UBE3B: variants seen among roughly 807,000 people sequenced by gnomAD.
UBE3B encodes ubiquitin protein ligase E3B, also known as ubiquitin-protein ligase E3B.
UBE3B carries 80 observed loss-of-function variants against 132.3 expected under a neutral mutation model. The observed-to-expected ratio is 0.60, with a 90% CI of 0.50 to 0.73. The LOEUF (loss-of-function observed/expected upper bound fraction) is 0.73, where lower values mean the gene tolerates loss of function less well. UBE3B is among the 30% of genes least tolerant of loss of function. The pLI is 0.00. For missense variants in UBE3B, 1,196 were observed against 1,362.5 expected, an observed-to-expected ratio of 0.88 and a Z score of 1.92; for synonymous variants, 487 against 520.4, an observed-to-expected ratio of 0.94 and a Z score of 0.87.
chr12:109,509,929 A>G (rs1467995328), intron 16 of UBE3B, among the ~76,000 whole-genome samples: 1 of 152,202 alleles, frequency 6.6e-6, no homozygotes, highest in Non-Finnish European at 1.5e-5. Flanking sequence ...GGCTCCCTTC[A>G]GGATTTGCAT....
At chr12:109,487,384 A>C (rs1366118472) in intron 6 of UBE3B, among the ~76,000 whole-genome samples, 1 of 152,232 alleles carries the variant, frequency 6.6e-6, no homozygotes, top group Non-Finnish European at 1.5e-5. Flanking sequence ...TGGCAAGGAC[A>C]CAGATAGCAG....
At chr12:109,495,790 G>A (rs1433050195) in intron 9 of UBE3B, among the ~76,000 whole-genome samples, 1 of 152,252 alleles carries the variant, frequency 6.6e-6, no homozygotes, top group Non-Finnish European at 1.5e-5. Context: ...GATTGCTCAT[G>A]CTATTGTTTG....
intron 9 of UBE3B, among the ~76,000 whole-genome samples, chr12:109,493,587 A>G (rs879080329): frequency 6.6e-6 from 1 of 152,322 alleles, no homozygotes; most frequent in Middle Eastern, 3.4e-3. Flanking sequence ...CTTTTTCCCA[A>G]ATAGAACTTT....
At chr12:109,538,169 C>T (rs776938874), downstream of UBE3B, among the ~76,000 whole-genome samples, 2 of 152,208 alleles carry the variant, frequency 1.3e-5, no homozygotes, top group South Asian at 2.1e-4. The surrounding 1 kb of genome is among the most constrained non-coding windows in gnomAD (Gnocchi z 4.1). Context: ...GTTTGAGAAG[C>T]GCTGGCCTCC....
chr12:109,527,382 C>T (rs1377986979), intron 24 of UBE3B, among the ~76,000 whole-genome samples: 1 of 152,210 alleles, frequency 6.6e-6, no homozygotes, highest in African/African-American at 2.4e-5. Flanking sequence ...TTATCAATCT[C>T]CCGCCGCCAG....
chr12:109,490,059 T>C, intron 8 of UBE3B, 55 bp downstream of exon 8: 1 of 1,547,738 alleles, frequency 6.5e-7, no homozygotes, highest in Non-Finnish European at 8.9e-7. Flanking sequence ...ACACCTGCAC[T>C]TGGATTTTTA....
At chr12:109,506,180 A>G (rs1879646185) in intron 14 of UBE3B, among the ~76,000 whole-genome samples, 1 of 152,130 alleles carries the variant, frequency 6.6e-6, no homozygotes, top group Non-Finnish European at 1.5e-5. Flanking sequence ...CTTTTAACAT[A>G]ATAGAATAAT....
At chr12:109,489,613 G>T (rs530533238) in intron 7 of UBE3B, among the ~76,000 whole-genome samples, 1 of 152,306 alleles carries the variant, frequency 6.6e-6, no homozygotes, top group East Asian at 1.9e-4. Context: ...GCAGTGCTAG[G>T]CCCTAGGAGG....
At chr12:109,519,149 T>A (rs1244558867) in intron 19 of UBE3B, among the ~76,000 whole-genome samples, 1 of 152,146 alleles carries the variant, frequency 6.6e-6, no homozygotes, top group Non-Finnish European at 1.5e-5. Flanking sequence ...CCCAGTCCTT[T>A]CCCCTGTCTC....
intron 18 of UBE3B, 127 bp from the exon 19 acceptor site, chr12:109,516,638 A>C: frequency 7.7e-6 from 11 of 1,431,850 alleles, no homozygotes; most frequent in Non-Finnish European, 1.0e-5. Flanking sequence ...AACTGGTAGC[A>C]CATGTTAAGG....
Position 109,483,989 on chromosome 12 carries a change from G to A in UBE3B, c.282+8G>A, listed in dbSNP as rs748760399. ...ATCAAAGAGGATAATGAGGTAAAAC[G>A]ATAATAGCAAACATGTATAATACTT... On this transcript the variant is annotated splice_region_variant and intron_variant, in intron 4 of 27. Coordinates refer to ENST00000342494, the MANE Select transcript of UBE3B (RefSeq NM_130466.4). 6 of 1,607,048 alleles carry A rather than the reference G, an allele frequency of 3.7e-6. No homozygotes were observed. In the South Asian group the frequency reaches 5.6e-5, roughly 15 times the overall value.
In UBE3B at chr12:109,536,292, G is replaced by A. The variant is rs915749390; in HGVS notation, c.*1510G>A. On this transcript the variant is annotated 3_prime_UTR_variant, in exon 28 of 28. Transcript: ENST00000342494. ...TGTGGACTTGCCACTTTCTCCAAAC[G>A]CTCGGTTCCTTTGAAGATTTCTTCT... 6.6e-6 allele frequency: 1 copy of A among 152,256 alleles called. No homozygotes were observed. The highest frequency in any genetic ancestry group is 1.9e-4 in the East Asian group (1 of 5,204). 9.4% of individuals were successfully genotyped at this position (152,256 alleles called of 1,614,324 possible). A position where few individuals can be genotyped will look rare whatever the true frequency, so the allele number is the denominator to read the frequency against.
In UBE3B at chr12:109,495,665, C is replaced by G. The variant is rs182641450; in HGVS notation, c.714-2153C>G. Among the ~76,000 whole-genome samples the G allele has an allele frequency of 7.2e-5, 11 of 152,318 alleles. No individual in the cohort carries two copies. The East Asian group carries it at 1.9e-3, about 27-fold the overall frequency. On this transcript the variant is annotated intron_variant, in intron 9 of 27. Transcript: ENST00000342494. Reference sequence around the variant, plus strand: ...AGCAAGCCAGTGATAAGCATTGTTTCTATAGATTATAGATTAACTAAAAGT... The same window carrying G: ...AGCAAGCCAGTGATAAGCATTGTTTGTATAGATTATAGATTAACTAAAAGT...
At chr12:109,544,655 A>T in the UBE3B span, among the ~76,000 whole-genome samples, 1 of 152,108 alleles carries the variant, frequency 6.6e-6, no homozygotes. Context: ...GCCTGGATAC[A>T]TCGGGACTCT....
Position 109,516,791 on chromosome 12 carries a change from T to TACC in UBE3B, c.1985_1987dup (p.Thr662dup). On this transcript the variant is annotated inframe_insertion, in exon 19 of 28. Transcript: ENST00000342494. ...GAGTTCTACTGTTTCGAACCATGGT[T>TACC]ACCAAGGAGAAGGAGAAACTGGGGC... is the stretch of plus-strand genomic sequence containing the variant. The TACC allele has an allele frequency of 1.2e-6, 2 of 1,614,020 alleles. No homozygotes were observed. Among genetic ancestry groups the TACC allele is most frequent in the Non-Finnish European group, 1.7e-6 (2 of 1,179,962 alleles).
Position 109,511,053 on chromosome 12 carries a change from C to T in UBE3B, c.1857-151C>T, listed in dbSNP as rs868505495. ...AGCACAAAAGCTGCCATAGGCTATA[C>T]ATGTATGAATGAGTATGGTCATGTT... On this transcript the variant is annotated intron_variant, in intron 17 of 27. Coordinates refer to ENST00000342494, the MANE Select transcript of UBE3B (RefSeq NM_130466.4). 9 of 657,688 alleles carry T rather than the reference C, an allele frequency of 1.4e-5. 1 individual carries two copies. Among genetic ancestry groups the T allele is most frequent in the Middle Eastern group, 3.2e-4 (1 of 3,088 alleles). The allele number at this position is 657,688 out of a possible 1,614,324, so 40.7% of individuals were successfully genotyped here. A position where few individuals can be genotyped will look rare whatever the true frequency, so the allele number is the denominator to read the frequency against.
chr12:109,530,639 A>G lies in UBE3B; in HGVS notation c.2903A>G (p.Glu968Gly). 2 of 1,614,210 alleles carry G rather than the reference A, an allele frequency of 1.2e-6. No individual in the cohort carries two copies. The highest frequency in any genetic ancestry group is 1.7e-6 in the Non-Finnish European group (2 of 1,180,020). ...DILASDFTPD[E>G]RAMFLKFVTS... is the part of the protein sequence containing the mutation. ...CTGGCCTCCGACTTCACACCGGATG[A>G]GAGAGCTATGTTTCTGAAGGTATTT... The change falls in exon 26 of 28, where the codon GAG (glutamate) becomes GGG (glycine). Residue 968 changes from glutamate to glycine, a missense_variant. Physicochemically the swap from Glu to Gly is moderately conservative, Grantham distance 98. Transcript: ENST00000342494.
At chr12:109,524,225 C>A in intron 22 of UBE3B, 110 bp downstream of exon 22, 1 of 1,484,090 alleles carries the variant, frequency 6.7e-7, no homozygotes, top group Non-Finnish European at 9.1e-7. Flanking sequence ...GCTGTAGCTG[C>A]TACAGGCCCC....
chr12:109,496,350 G>A (rs377643944), intron 9 of UBE3B, among the ~76,000 whole-genome samples: 2 of 152,164 alleles, frequency 1.3e-5, no homozygotes, highest in Admixed American at 6.5e-5. Context: ...GAACATTTAT[G>A]TACAAGTTTT....
Sources: allele counts gnomAD v4.1 joint callset (sites outside exome capture counted in the v4.1 genomes callset), GRCh38; gene constraint gnomAD v4.1.1; non-coding constraint Gnocchi (gnomAD v3.1); transcripts MANE v1.5; gene names NCBI Gene and HGNC (gene_info 2026-07-23, HGNC 2026-07-21).